The following PSD3 variants were observed in gnomAD, a reference collection of about 807,000 sequenced individuals.
PSD3 encodes PH and SEC7 domain-containing protein 3.
PSD3 carries 49 observed loss-of-function variants against 105.5 expected under a neutral mutation model. The observed-to-expected ratio is 0.46, with a 90% CI of 0.37 to 0.59. PSD3 has a LOEUF of 0.59. Ranked by LOEUF, PSD3 falls within the 20% of genes least tolerant of loss-of-function variation. The pLI, the probability that PSD3 is intolerant of heterozygous loss-of-function variation, is 0.00. For missense variants in PSD3, 1,561 were observed against 1,263.8 expected (o/e 1.24, Z -3.57); for synonymous variants, 557 against 457.8 (o/e 1.22, Z -2.77).
chr8:18,891,385 C>T (rs970621137), intron 2 of PSD3, among the ~76,000 whole-genome samples: 3 of 152,004 alleles, frequency 2.0e-5, no homozygotes, highest in Admixed American at 2.0e-4. Context: ...TGATTTTGTT[C>T]AAGATTTTCA....
At chr8:18,869,848 C>A (rs1218998731) in intron 3 of PSD3, among the ~76,000 whole-genome samples, 3 of 152,172 alleles carry the variant, frequency 2.0e-5, no homozygotes, top group African/African-American at 7.2e-5. Context: ...CAATGTTTAT[C>A]TTCAGTGGTA....
chr8:18,780,379 T>A (rs1808491266), intron 8 of PSD3, among the ~76,000 whole-genome samples: 1 of 152,060 alleles, frequency 6.6e-6, no homozygotes, highest in Non-Finnish European at 1.5e-5. Flanking sequence ...TCAGCCAATC[T>A]ATATTTTTTA....
chr8:18,694,035 A>T (rs987687946), intron 9 of PSD3, among the ~76,000 whole-genome samples: 7 of 152,180 alleles, frequency 4.6e-5, no homozygotes, highest in African/African-American at 1.7e-4. Flanking sequence ...GGGATCTGAA[A>T]ATAGTCCTGT....
At chr8:18,581,887 C>T (rs1802840503) in intron 12 of PSD3, among the ~76,000 whole-genome samples, 1 of 152,046 alleles carries the variant, frequency 6.6e-6, no homozygotes, top group African/African-American at 2.4e-5. Flanking sequence ...AAGTGAAAGG[C>T]ATATGTGACT....
intron 3 of PSD3, among the ~76,000 whole-genome samples, chr8:18,868,486 A>G (rs1220731075): frequency 6.6e-6 from 1 of 152,152 alleles, no homozygotes; most frequent in South Asian, 2.1e-4. Context: ...CCAAACTTTC[A>G]TCAGTTGATT....
At chr8:18,695,674 G>C (rs557993701) in intron 9 of PSD3, among the ~76,000 whole-genome samples, 1 of 152,060 alleles carries the variant, frequency 6.6e-6, no homozygotes, top group East Asian at 1.9e-4. Flanking sequence ...CAATCTCAAC[G>C]GTTTTGCTCT....
intron 2 of PSD3, among the ~76,000 whole-genome samples, chr8:18,890,827 G>C (rs925010182): frequency 6.6e-6 from 1 of 151,964 alleles, no homozygotes; most frequent in Admixed American, 6.6e-5. Flanking sequence ...GGGTGGGGGA[G>C]GGGGAACAAA....
intron 11 of PSD3, among the ~76,000 whole-genome samples, chr8:18,613,023 C>CACA (rs61628191): frequency 0.22 from 33,415 of 151,862 alleles, 3,919 homozygotes; most frequent in Middle Eastern, 0.38. Context: ...CAGGTCAGAA[C>CACA]ACAAGAGCAT....
At chr8:18,575,047 A>C (rs145605766) in intron 13 of PSD3, 81 bp downstream of exon 13, 1 of 1,420,048 alleles carries the variant, frequency 7.0e-7, no homozygotes, top group African/African-American at 1.5e-5. Context: ...TTTCCCCTGC[A>C]GAGCTTGATT....
chr8:18,902,057 A>C (rs1355707700), intron 2 of PSD3, among the ~76,000 whole-genome samples: 1 of 152,256 alleles, frequency 6.6e-6, no homozygotes, highest in South Asian at 2.1e-4. Context: ...ATTTATTTGG[A>C]GACTTTTGAG....
chr8:19,022,060 G>A (rs1041932448), intron 1 of PSD3, among the ~76,000 whole-genome samples: 5 of 152,136 alleles, frequency 3.3e-5, no homozygotes, highest in Non-Finnish European at 7.3e-5. Context: ...GGTGAAGCAG[G>A]GACAGGCATG....
intron 9 of PSD3, among the ~76,000 whole-genome samples, chr8:18,717,232 A>AT (rs1298712780): frequency 9.9e-5 from 15 of 151,574 alleles, no homozygotes; most frequent in Non-Finnish European, 2.2e-4. Flanking sequence ...GTTTATTTTA[A>AT]TTTTTTTTTC....
intron 9 of PSD3, among the ~76,000 whole-genome samples, chr8:18,665,153 G>A (rs1799377189): frequency 6.6e-6 from 1 of 152,200 alleles, no homozygotes; most frequent in African/African-American, 2.4e-5. Flanking sequence ...TCACAAGGCT[G>A]TAACTGCCAT....
At position 18,872,728 on chromosome 8, in the gene PSD3, G is replaced by T; in HGVS notation, c.136C>A (p.His46Asn). Residue 46 changes from histidine (H) to asparagine (N), a missense_variant, in exon 3 of 16, where the codon CAT becomes AAT. Physicochemically the swap from His to Asn is moderately conservative, Grantham distance 68. Coordinates refer to ENST00000327040, the MANE Select transcript of PSD3 (RefSeq NM_015310.4). ...GGTGGGAGTAAAGTGCTTCCTCCAT[G>T]ATCACCTGTGAAGAGAACACAATGG... Reference protein sequence around the residue: ...SEGKAPDTSDHGGSTLLPPNV... With the variant: ...SEGKAPDTSDNGGSTLLPPNV... The T allele has an allele frequency of 6.4e-7, 1 of 1,553,430 alleles. No homozygotes were observed. Among genetic ancestry groups the T allele is most frequent in the Non-Finnish European group, 8.7e-7 (1 of 1,152,782 alleles).
chr8:18,870,210 C>T (rs1173072925), intron 3 of PSD3, among the ~76,000 whole-genome samples: 2 of 152,116 alleles, frequency 1.3e-5, no homozygotes, highest in African/African-American at 4.8e-5. Context: ...CAAAAAACAA[C>T]CCTCGGCCTT....
intron 12 of PSD3, among the ~76,000 whole-genome samples, chr8:18,581,832 C>A (rs746334786): frequency 1.8e-4 from 27 of 152,122 alleles, no homozygotes; most frequent in Non-Finnish European, 3.1e-4. Context: ...GTAAAGGGAT[C>A]TGACATTACT....
At chr8:19,058,149 A>G (rs1828772290) in intron 1 of PSD3, among the ~76,000 whole-genome samples, 1 of 152,188 alleles carries the variant, frequency 6.6e-6, no homozygotes, top group Non-Finnish European at 1.5e-5. Flanking sequence ...GTTGAATCTC[A>G]AAATCATTGA....
intron 10 of PSD3, among the ~76,000 whole-genome samples, chr8:18,647,919 C>A (rs1218938287): frequency 2.0e-5 from 3 of 152,170 alleles, no homozygotes; most frequent in Admixed American, 6.5e-5. Context: ...GAAGTGCCAG[C>A]TCCCCCTTCA....
chr8:19,076,169 T>C (rs895097053), intron 1 of PSD3, among the ~76,000 whole-genome samples: 2 of 152,162 alleles, frequency 1.3e-5, no homozygotes, highest in Admixed American at 6.5e-5. Context: ...CAAATAAAGA[T>C]TGAGGATGAG....
Sources: allele counts gnomAD v4.1 joint callset (sites outside exome capture counted in the v4.1 genomes callset), GRCh38; gene constraint gnomAD v4.1.1; transcripts MANE v1.5; gene names NCBI Gene and HGNC (gene_info 2026-07-23, HGNC 2026-07-21).